Variants in NAALADL2 observed in about 807,000 individuals in gnomAD.
NAALADL2 encodes the protein N-acetylated alpha-linked acidic dipeptidase like 2.
Under a neutral mutation model 87.2 loss-of-function variants are expected in NAALADL2, and 76 were observed. That is an observed-to-expected ratio of 0.87 (90% CI 0.72 to 1.05). The LOEUF (loss-of-function observed/expected upper bound fraction) is 1.05, where lower values mean the gene tolerates loss of function less well. Ranked by LOEUF, NAALADL2 falls within the 50% of genes least tolerant of loss-of-function variation. NAALADL2 has a pLI of 0.00. For synonymous variants in NAALADL2, 354 were observed against 331.0 expected, an observed-to-expected ratio of 1.07 and a Z score of -0.75; for missense variants, 1,089 against 945.8, an observed-to-expected ratio of 1.15 and a Z score of -1.99.
intron 11 of NAALADL2, among the ~76,000 whole-genome samples, chr3:175,629,490 G>A (rs1430463092): frequency 6.6e-6 from 1 of 151,144 alleles, no homozygotes; most frequent in African/African-American, 2.4e-5. Flanking sequence ...GAGAATTTTA[G>A]GGCAATGAAA....
At chr3:174,934,749 C>G (rs1377849692) in intron 1 of NAALADL2, among the ~76,000 whole-genome samples, 1 of 151,554 alleles carries the variant, frequency 6.6e-6, no homozygotes, top group Non-Finnish European at 1.5e-5. Flanking sequence ...ACAACAACAA[C>G]AAAACATGAT....
intron 5 of NAALADL2, among the ~76,000 whole-genome samples, chr3:175,423,636 T>C (rs1716262809): frequency 6.6e-6 from 1 of 152,200 alleles, no homozygotes; most frequent in African/African-American, 2.4e-5. Context: ...ATGGTGTGTA[T>C]GTGCCACATT....
intron 2 of NAALADL2, among the ~76,000 whole-genome samples, chr3:174,676,210 A>T (rs1460775904): frequency 1.3e-5 from 2 of 152,038 alleles, no homozygotes; most frequent in African/African-American, 2.4e-5. Context: ...TTGAAGTTTC[A>T]TGGCTAAATG....
intron 1 of NAALADL2, among the ~76,000 whole-genome samples, chr3:174,537,964 C>T (rs578252619): frequency 1.9e-4 from 29 of 152,202 alleles, no homozygotes; most frequent in African/African-American, 7.0e-4. Flanking sequence ...GAGCAAGAAC[C>T]TGGTCTAATT....
chr3:175,698,777 T>C (rs1283301105), intron 11 of NAALADL2, among the ~76,000 whole-genome samples: 1 of 151,798 alleles, frequency 6.6e-6, no homozygotes, highest in Non-Finnish European at 1.5e-5. Context: ...ATAATCTTTG[T>C]AAGCATAGAG....
intron 9 of NAALADL2, among the ~76,000 whole-genome samples, chr3:175,557,552 C>T (rs1715487649): frequency 1.3e-5 from 2 of 152,136 alleles, no homozygotes; most frequent in African/African-American, 4.8e-5. Flanking sequence ...CCCCAATCCC[C>T]AACTACCGTT....
intron 1 of NAALADL2, among the ~76,000 whole-genome samples, chr3:174,521,545 C>T (rs1358934013): frequency 1.5e-5 from 2 of 137,060 alleles, no homozygotes; most frequent in African/African-American, 5.7e-5. Context: ...GCACTCCAGC[C>T]TGGGCGACAG....
chr3:175,053,307 G>A lies in NAALADL2; in HGVS notation c.44-43483G>A, dbSNP rs145372231. Among the ~76,000 whole-genome samples the A allele has an allele frequency of 8.5e-3, 1,299 of 152,212 alleles. 23 individuals carry two copies. The highest frequency in any genetic ancestry group is 0.03 in the African/African-American group (1,244 of 41,532). Reference sequence around the variant, plus strand: ...AATACTCATGGCAATGGTGATCACCGCTATCATAGCTACCATTAAATTCCT... The same window carrying A: ...AATACTCATGGCAATGGTGATCACCACTATCATAGCTACCATTAAATTCCT... On this transcript the variant is annotated intron_variant, in intron 1 of 13. Coordinates refer to ENST00000454872, the MANE Select transcript of NAALADL2 (RefSeq NM_207015.3).
intron 1 of NAALADL2, among the ~76,000 whole-genome samples, chr3:174,952,308 A>T (rs1289614410): frequency 3.3e-5 from 5 of 152,166 alleles, no homozygotes; most frequent in Non-Finnish European, 5.9e-5. Flanking sequence ...CTCACAGATG[A>T]ATCTCTGTTC....
chr3:174,906,071 A>G (rs766526911), intron 1 of NAALADL2, among the ~76,000 whole-genome samples: 2 of 152,100 alleles, frequency 1.3e-5, no homozygotes, highest in Non-Finnish European at 2.9e-5. Flanking sequence ...ACTACAATAT[A>G]ACCATGAAGT....
chr3:174,993,869 T>C (rs1035576694), intron 1 of NAALADL2, among the ~76,000 whole-genome samples: 4 of 152,160 alleles, frequency 2.6e-5, no homozygotes, highest in Non-Finnish European at 5.9e-5. Context: ...CATGCCTTTC[T>C]CTTAACTTGC....
intron 11 of NAALADL2, among the ~76,000 whole-genome samples, chr3:175,654,198 G>T (rs1318393066): frequency 6.6e-6 from 1 of 152,000 alleles, no homozygotes; most frequent in African/African-American, 2.4e-5. Context: ...CTTATATTCT[G>T]GTGTTGCTTC....
intron 11 of NAALADL2, among the ~76,000 whole-genome samples, chr3:175,728,419 T>C (rs1583032198): frequency 6.6e-6 from 1 of 152,174 alleles, no homozygotes; most frequent in East Asian, 1.9e-4. Context: ...AACTTGGGTA[T>C]GTCAGGAATA....
intron 11 of NAALADL2, among the ~76,000 whole-genome samples, chr3:175,672,443 C>T (rs1181048977): frequency 1.3e-5 from 2 of 152,112 alleles, no homozygotes; most frequent in Non-Finnish European, 2.9e-5. Flanking sequence ...GAAAATACCA[C>T]TGATCAAGAC....
At chr3:174,711,735 G>T (rs1383069945) in intron 2 of NAALADL2, among the ~76,000 whole-genome samples, 2 of 152,134 alleles carry the variant, frequency 1.3e-5, no homozygotes, top group Non-Finnish European at 2.9e-5. Context: ...CTAATATTCT[G>T]CATGAGGTTT....
chr3:175,336,044 G>A (rs965809521), intron 5 of NAALADL2, among the ~76,000 whole-genome samples: 5 of 151,914 alleles, frequency 3.3e-5, no homozygotes, highest in Admixed American at 6.6e-5. Flanking sequence ...ACTTATATAC[G>A]TGCATACCCC....
chr3:175,279,244 G>T (rs1753973697), intron 4 of NAALADL2, among the ~76,000 whole-genome samples: 1 of 152,048 alleles, frequency 6.6e-6, no homozygotes, highest in East Asian at 1.9e-4. Flanking sequence ...TATTTAATCT[G>T]GACTAACTGA....
intron 1 of NAALADL2, among the ~76,000 whole-genome samples, chr3:175,055,961 A>G (rs960505251): frequency 6.6e-5 from 10 of 152,218 alleles, no homozygotes; most frequent in African/African-American, 2.4e-4. Context: ...TAGCTATAAT[A>G]TTTCCCTGTT....
At position 175,804,859 on chromosome 3, in the gene NAALADL2, G is replaced by A. The variant is rs2108369367; in HGVS notation, c.*1656G>A. ...GGCAATTAGCTAGATAATTCAAGCA[G>A]AAATCCATTTTCATCGAAATTGCCT... On this transcript the variant is annotated 3_prime_UTR_variant, in exon 14 of 14. Transcript: ENST00000454872. 1 of 152,004 alleles carries A rather than the reference G, an allele frequency of 6.6e-6. No homozygotes were observed. Among genetic ancestry groups the A allele is most frequent in the African/African-American group, 2.4e-5 (1 of 41,526 alleles). 9.4% of individuals were successfully genotyped at this position (152,004 alleles called of 1,614,324 possible).
Sources: gnomAD v4.1 joint callset for allele counts (sites outside exome capture counted in the v4.1 genomes callset) on GRCh38, gnomAD v4.1.1 for gene constraint, MANE v1.5 for transcripts, NCBI Gene and HGNC (gene_info 2026-07-23, HGNC 2026-07-21) for gene names.